The following FOXN3 variants were observed in gnomAD, a reference collection of about 807,000 sequenced individuals.
FOXN3 encodes forkhead box protein N3.
FOXN3 carries 7 observed loss-of-function variants against 38.4 expected under a neutral mutation model. That is an observed-to-expected ratio of 0.18 (90% confidence interval 0.10 to 0.34). The LOEUF is 0.34. FOXN3 is among the 10% of genes least tolerant of loss of function. FOXN3 has a pLI of 1.00. For missense variants in FOXN3, 456 were observed against 613.4 expected, an observed-to-expected ratio of 0.74 and a Z score of 2.71; for synonymous variants, 230 against 242.2, an observed-to-expected ratio of 0.95 and a Z score of 0.47.
At chr14:89,443,149 T>A (rs1004883423) in intron 1 of FOXN3, among the ~76,000 whole-genome samples, 32 of 152,330 alleles carry the variant, frequency 2.1e-4, no homozygotes, top group Admixed American at 2.0e-3. Context: ...ATTTCATTCA[T>A]AAAACAGGAC....
chr14:89,545,482 A>T (rs998583928), intron 1 of FOXN3, among the ~76,000 whole-genome samples: 1 of 152,218 alleles, frequency 6.6e-6, no homozygotes, highest in Admixed American at 6.5e-5. Context: ...TTCATGGTCC[A>T]GCCATAGCAT....
At chr14:89,304,221 A>G (rs1887305625) in intron 3 of FOXN3, among the ~76,000 whole-genome samples, 1 of 152,236 alleles carries the variant, frequency 6.6e-6, no homozygotes, top group African/African-American at 2.4e-5. Context: ...TTCAGCTCGT[A>G]GTAAAAATAC....
intron 3 of FOXN3, among the ~76,000 whole-genome samples, chr14:89,301,210 C>T (rs1049861445): frequency 6.6e-6 from 1 of 152,048 alleles, no homozygotes; most frequent in Non-Finnish European, 1.5e-5. Flanking sequence ...GTAAGACATG[C>T]CTATAATCCT....
chr14:89,252,458 C>T (rs972459102), intron 4 of FOXN3, among the ~76,000 whole-genome samples: 7 of 152,016 alleles, frequency 4.6e-5, no homozygotes, highest in African/African-American at 1.5e-4. Flanking sequence ...AGTTCGAGAC[C>T]AGCCTGACCA....
intron 1 of FOXN3, among the ~76,000 whole-genome samples, chr14:89,555,884 G>GGGGGGT (rs1895112741): frequency 1.1e-5 from 1 of 90,184 alleles, no homozygotes; most frequent in Non-Finnish European, 2.5e-5. Flanking sequence ...TGTATGTGGG[G>GGGGGGT]GTGTATGTGG....
intron 3 of FOXN3, among the ~76,000 whole-genome samples, chr14:89,294,415 G>A (rs930314675): frequency 7.9e-5 from 12 of 152,062 alleles, no homozygotes; most frequent in Admixed American, 3.3e-4. Context: ...GTCTTCATTC[G>A]AAGAGTTTGG....
At chr14:89,580,949 G>A (rs243200) in intron 1 of FOXN3, among the ~76,000 whole-genome samples, 103,884 of 151,492 alleles carry the variant, frequency 0.69, 39,281 homozygotes, top group Non-Finnish European at 0.85. Flanking sequence ...TTGGGAGGCC[G>A]AGGTAGGAGG....
At chr14:89,571,366 A>T (rs1264411014) in intron 1 of FOXN3, among the ~76,000 whole-genome samples, 4 of 151,912 alleles carry the variant, frequency 2.6e-5, no homozygotes, top group Non-Finnish European at 4.4e-5. Context: ...AAAATTAGCC[A>T]AGCGTGGTAG....
intron 2 of FOXN3, among the ~76,000 whole-genome samples, chr14:89,393,544 T>C (rs1386735966): frequency 6.6e-6 from 1 of 152,150 alleles, no homozygotes; most frequent in East Asian, 1.9e-4. Context: ...GTGAGCGTTG[T>C]TGTCAATCTC....
At chr14:89,401,731 T>C in intron 2 of FOXN3, 3 of 451,074 alleles carry the variant, frequency 6.7e-6, no homozygotes, top group Non-Finnish European at 1.3e-5. Context: ...CTAATGACAT[T>C]AGTTAAATCA....
intron 1 of FOXN3, among the ~76,000 whole-genome samples, chr14:89,470,302 A>C (rs1294035428): frequency 1.3e-5 from 2 of 152,200 alleles, no homozygotes. Flanking sequence ...TCTAAAAAAA[A>C]AAAAAAGCAT....
At chr14:89,454,314 A>G (rs1053149476) in intron 1 of FOXN3, among the ~76,000 whole-genome samples, 14 of 152,224 alleles carry the variant, frequency 9.2e-5, no homozygotes, top group African/African-American at 3.4e-4. Flanking sequence ...AAAAAAAAAG[A>G]AGAGAGACCA....
intron 4 of FOXN3, among the ~76,000 whole-genome samples, chr14:89,255,634 G>A (rs1815593): frequency 0.62 from 94,642 of 151,940 alleles, 31,349 homozygotes; most frequent in Non-Finnish European, 0.72. Context: ...GCACATGTCT[G>A]TTTGGCTATG....
intron 3 of FOXN3, among the ~76,000 whole-genome samples, chr14:89,335,425 T>G (rs972695350): frequency 2.0e-5 from 3 of 152,246 alleles, no homozygotes; most frequent in Non-Finnish European, 2.9e-5. Flanking sequence ...AGTGGTCTAT[T>G]GAACTTGGCA....
intron 3 of FOXN3, among the ~76,000 whole-genome samples, chr14:89,347,952 C>CA (rs5810456): frequency 0.5 from 75,114 of 150,914 alleles, 20,118 homozygotes; most frequent in African/African-American, 0.72. Flanking sequence ...GACTCCGTCT[C>CA]AAAAAAAAGC....
intron 1 of FOXN3, among the ~76,000 whole-genome samples, chr14:89,568,971 A>G (rs867100450): frequency 1.8e-4 from 27 of 152,138 alleles, no homozygotes; most frequent in Admixed American, 3.3e-4. Context: ...TTGGGAGGCC[A>G]AGGCGGGCAG....
At chr14:89,407,677 CA>C (rs544990243) in intron 2 of FOXN3, among the ~76,000 whole-genome samples, 3,049 of 145,246 alleles carry the variant, frequency 0.021, 111 homozygotes, top group African/African-American at 0.071. Context: ...ATGAAAAATA[CA>C]AAAAAAAAAA....
intron 1 of FOXN3, among the ~76,000 whole-genome samples, chr14:89,524,340 A>AGCG (rs1169426403): frequency 1.6e-5 from 2 of 122,804 alleles, no homozygotes; most frequent in African/African-American, 6.0e-5. Flanking sequence ...GCACCACTGC[A>AGCG]CTCCAGCCTG....
chr14:89,489,532 T>G (rs1893529501), intron 1 of FOXN3, among the ~76,000 whole-genome samples: 1 of 152,234 alleles, frequency 6.6e-6, no homozygotes, highest in South Asian at 2.1e-4. Flanking sequence ...TTAAAAAATT[T>G]TTTTATATTC....
Sources: gnomAD v4.1 joint callset for allele counts (sites outside exome capture counted in the v4.1 genomes callset) on GRCh38, gnomAD v4.1.1 for gene constraint, MANE v1.5 for transcripts, NCBI Gene and HGNC (gene_info 2026-07-23, HGNC 2026-07-21) for gene names.